The following ZMIZ1 variants were observed in gnomAD, a reference collection of about 807,000 sequenced individuals.
ZMIZ1 encodes zinc finger MIZ-type containing 1.
A neutral mutation model predicts 113.9 loss-of-function variants in ZMIZ1; 17 were observed. That is an observed-to-expected ratio of 0.15 (90% CI 0.10 to 0.22). ZMIZ1 has a LOEUF of 0.22. Among genes scored for constraint, ZMIZ1 ranks in the 10% least tolerant of loss-of-function variants. The probability of loss-of-function intolerance (pLI) is 1.00; values close to 1 mark genes in which losing one functional copy is unlikely to be tolerated. For synonymous variants in ZMIZ1, 607 were observed against 603.1 expected (o/e 1.01, Z -0.09); for missense variants, 1,059 against 1,477.8 (o/e 0.72, Z 4.65).
At chr10:79,229,325 A>G (rs2764818) in intron 7 of ZMIZ1, among the ~76,000 whole-genome samples, 94,941 of 152,148 alleles carry the variant, frequency 0.62, 29,773 homozygotes, top group East Asian at 0.77. Flanking sequence ...TGCTGTTCTG[A>G]GCCCAGAGAG....
chr10:79,165,904 A>T (rs1374960732), intron 4 of ZMIZ1, among the ~76,000 whole-genome samples: 1 of 49,490 alleles, frequency 2.0e-5, no homozygotes, highest in African/African-American at 8.5e-5. Flanking sequence ...GGCACTAGTC[A>T]TTTCTTTACT....
rs1845992184 is a variant in ZMIZ1, at chr10:79,158,617, C to A, written c.-130-3436C>A. On this transcript the variant is annotated intron_variant, in intron 3 of 24. Coordinates refer to ENST00000334512, the MANE Select transcript of ZMIZ1 (RefSeq NM_020338.4). ...CCTAAATTTCGGGCACCACTGCCCT[C>A]CAGGCATCCTGGATTGACTGATCCT... 2.0e-5 allele frequency among the ~76,000 whole-genome samples: 3 copies of A among 152,236 alleles called. No homozygotes were observed. In the South Asian group the frequency reaches 6.2e-4, roughly 31 times the overall value.
At chr10:79,075,586 T>TATGCACACAG (rs1181594043) in intron 1 of ZMIZ1, among the ~76,000 whole-genome samples, 41 of 151,650 alleles carry the variant, frequency 2.7e-4, no homozygotes, top group Non-Finnish European at 4.3e-4. Context: ...CATGCACACA[T>TATGCACACAG]GCACACCTGC....
At chr10:79,243,036 G>T (rs1434461175) in intron 7 of ZMIZ1, among the ~76,000 whole-genome samples, 3 of 151,328 alleles carry the variant, frequency 2.0e-5, no homozygotes, top group Admixed American at 6.6e-5. Context: ...GGGAGGGCGC[G>T]CGCGAGCCGG....
intron 6 of ZMIZ1, among the ~76,000 whole-genome samples, chr10:79,211,734 C>T (rs543881193): frequency 3.5e-4 from 53 of 152,316 alleles, no homozygotes; most frequent in African/African-American, 1.2e-3. Context: ...CCCCAGGGGC[C>T]GGCACAAGCC....
At chr10:79,178,348 G>A (rs958079989) in intron 4 of ZMIZ1, among the ~76,000 whole-genome samples, 2 of 152,228 alleles carry the variant, frequency 1.3e-5, no homozygotes, top group Non-Finnish European at 2.9e-5. Context: ...TCAGTTGGTC[G>A]TGAACAGAGT....
intron 4 of ZMIZ1, among the ~76,000 whole-genome samples, chr10:79,189,239 C>A (rs1429406898): frequency 6.6e-6 from 1 of 152,214 alleles, no homozygotes; most frequent in Non-Finnish European, 1.5e-5. Context: ...CCCCTGCCTC[C>A]CTCTCAGCTG....
At chr10:79,180,900 C>T (rs554106119) in intron 4 of ZMIZ1, among the ~76,000 whole-genome samples, 10 of 152,268 alleles carry the variant, frequency 6.6e-5, no homozygotes, top group Non-Finnish European at 1.3e-4. Context: ...CTCTCCCACC[C>T]CCAGCTTCTG....
intron 7 of ZMIZ1, among the ~76,000 whole-genome samples, chr10:79,276,974 TG>T (rs1207687120): frequency 6.6e-6 from 1 of 152,192 alleles, no homozygotes; most frequent in African/African-American, 2.4e-5. Context: ...CAGAAACTTT[TG>T]TATCCTCCTT....
chr10:79,163,559 G>C (rs1035410544), intron 4 of ZMIZ1, among the ~76,000 whole-genome samples: 1 of 152,246 alleles, frequency 6.6e-6, no homozygotes, highest in Admixed American at 6.5e-5. Flanking sequence ...AGAATCCCAC[G>C]GGGAGGTTTG....
chr10:79,277,221 G>T lies in ZMIZ1; in HGVS notation c.321G>T (p.Leu107=). The T allele has an allele frequency of 6.3e-7, 1 of 1,586,122 alleles. No homozygotes were observed. The highest frequency in any genetic ancestry group is 8.6e-7 in the Non-Finnish European group (1 of 1,165,752). Reference sequence around the variant, plus strand: ...GGTGCGAAGAGCTCGGCCGCCTGCTGCTGCTCCGACATCAGAAGAGCCGCC... The same window carrying T: ...GGTGCGAAGAGCTCGGCCGCCTGCTTCTGCTCCGACATCAGAAGAGCCGCC... ...SSWCEELGRL[L]LLRHQKSRQS... The change falls in exon 8 of 25, where the codon CTG becomes CTT. Residue 107 remains leucine, a synonymous_variant. Transcript: ENST00000334512.
chr10:79,301,058 C>G, intron 17 of ZMIZ1, 116 bp downstream of exon 17: 1 of 1,425,966 alleles, frequency 7.0e-7, no homozygotes, highest in Non-Finnish European at 9.4e-7. Flanking sequence ...GTCACCACCC[C>G]CGTGCCCACA....
chr10:79,265,937 C>G (rs1335866222), intron 7 of ZMIZ1, among the ~76,000 whole-genome samples: 1 of 152,210 alleles, frequency 6.6e-6, no homozygotes, highest in East Asian at 1.9e-4. Flanking sequence ...GGAGCCCCTT[C>G]CATCTGTAAT....
At chr10:79,276,586 T>C (rs1027877763) in intron 7 of ZMIZ1, among the ~76,000 whole-genome samples, 1 of 151,482 alleles carries the variant, frequency 6.6e-6, no homozygotes, top group Non-Finnish European at 1.5e-5. Context: ...GGACCAACCG[T>C]GGGTGTGACC....
chr10:79,092,645 C>T (rs1457322272), intron 1 of ZMIZ1, among the ~76,000 whole-genome samples: 1 of 152,188 alleles, frequency 6.6e-6, no homozygotes, highest in African/African-American at 2.4e-5. Flanking sequence ...CTGGTGACTT[C>T]TAGGCCCATT....
Position 79,128,195 on chromosome 10 carries a change from C to T in ZMIZ1, c.-227+9171C>T, listed in dbSNP as rs181147984. On this transcript the variant is annotated intron_variant, in intron 2 of 24. Coordinates refer to ENST00000334512, the MANE Select transcript of ZMIZ1 (RefSeq NM_020338.4). ...GTACCTGTCCAGGTTGACTACTCCA[C>T]CCCTAGGTGCTTGGGTGCCTTCTTT... Among the ~76,000 whole-genome samples the T allele has an allele frequency of 3.1e-3, 467 of 152,274 alleles. 3 individuals are homozygous for T. The highest frequency in any genetic ancestry group is 0.014 in the Middle Eastern group (4 of 294).
At chr10:79,246,343 G>A (rs771166422) in intron 7 of ZMIZ1, among the ~76,000 whole-genome samples, 11 of 152,238 alleles carry the variant, frequency 7.2e-5, no homozygotes, top group Non-Finnish European at 1.0e-4. Context: ...TTGATCGGGC[G>A]GGAGCGCCAG....
intron 7 of ZMIZ1, among the ~76,000 whole-genome samples, chr10:79,231,582 G>GT (rs1391854730): frequency 1.3e-3 from 189 of 148,538 alleles, no homozygotes; most frequent in African/African-American, 2.5e-3. Context: ...TTTGTTTTTT[G>GT]TTTTTTTTTG....
intron 7 of ZMIZ1, among the ~76,000 whole-genome samples, chr10:79,259,417 G>A (rs1454564067): frequency 6.6e-6 from 1 of 152,080 alleles, no homozygotes; most frequent in Non-Finnish European, 1.5e-5. Context: ...CTTCAACAGG[G>A]CTTCATCGTG....
Sources: allele counts gnomAD v4.1 joint callset (sites outside exome capture counted in the v4.1 genomes callset), GRCh38; gene constraint gnomAD v4.1.1; transcripts MANE v1.5; gene names NCBI Gene and HGNC (gene_info 2026-07-23, HGNC 2026-07-21).